SLCO4A1: variants seen among roughly 807,000 people sequenced by gnomAD.
The protein encoded by SLCO4A1 is solute carrier organic anion transporter family member 4A1, also known as colon organic anion transporter.
A neutral mutation model predicts 64.6 loss-of-function variants in SLCO4A1; 51 were observed. The ratio of observed to expected loss-of-function variants is 0.79; its 90% CI spans 0.63 to 1.00. The LOEUF (loss-of-function observed/expected upper bound fraction) is 1.00. Ranked by LOEUF, SLCO4A1 falls within the 50% of genes least tolerant of loss-of-function variation. The pLI, the probability that SLCO4A1 is intolerant of heterozygous loss-of-function variation, is 0.00. For synonymous variants in SLCO4A1, 471 were observed against 444.9 expected, an observed-to-expected ratio of 1.06 and a Z score of -0.74; for missense variants, 919 against 980.5, an observed-to-expected ratio of 0.94 and a Z score of 0.84.
In SLCO4A1 at chr20:62,656,511, C is replaced by T. The variant is rs1222062832; in HGVS notation, c.57C>T (p.Ala19=). ...TCACCTTCCCCAGCCCCAACTCAGCCATGGAAAACGGGCTTGACCACACCC... is the reference window on the plus strand; with the variant it reads ...TCACCTTCCCCAGCCCCAACTCAGCTATGGAAAACGGGCTTGACCACACCC... ...KPLTFPSPNS[A]MENGLDHTPP... is the part of the protein sequence containing the mutation. The change falls in exon 2 of 12, where the codon GCC becomes GCT. Residue 19 remains alanine (A), a synonymous_variant. Transcript: ENST00000217159. 1 of 1,558,582 alleles carries T rather than the reference C, an allele frequency of 6.4e-7. No homozygotes were observed. Among genetic ancestry groups the T allele is most frequent in the Admixed American group, 1.8e-5 (1 of 56,528 alleles).
At chr20:62,660,820 C>T (rs1286918440) in intron 4 of SLCO4A1, among the ~76,000 whole-genome samples, 2 of 152,204 alleles carry the variant, frequency 1.3e-5, no homozygotes, top group African/African-American at 4.8e-5. Flanking sequence ...CCTCCATCCC[C>T]TCCTTCCCCC....
At chr20:62,668,391 C>A in intron 9 of SLCO4A1, 86 bp from the exon 10 acceptor site, 3 of 1,412,512 alleles carry the variant, frequency 2.1e-6, no homozygotes, top group Non-Finnish European at 3.0e-6. Context: ...TGGCTGGGGA[C>A]TGGTCCAGGA....
At position 62,671,669 on chromosome 20, in the gene SLCO4A1, A is replaced by T. The variant is rs901137352; in HGVS notation, c.2026-81A>T. On this transcript the variant is annotated intron_variant, in intron 11 of 11. Transcript: ENST00000217159. Reference sequence around the variant, plus strand: ...GAGGGTGCTGCAGGCTGGGGCAGGGACAGGACTGGGACAGGCCCACCAGTA... The same window carrying T: ...GAGGGTGCTGCAGGCTGGGGCAGGGTCAGGACTGGGACAGGCCCACCAGTA... 127 of 1,351,592 alleles carry T rather than the reference A, an allele frequency of 9.4e-5. 2 individuals are homozygous for T. The South Asian group carries it at 1.6e-3, about 17-fold the overall frequency. The allele number at this position is 1,351,592 out of a possible 1,614,324, so 83.7% of individuals were successfully genotyped here.
rs1006753226 is a variant in SLCO4A1, at chr20:62,647,410, G to A, written c.-97+4857G>A. 2.6e-5 allele frequency among the ~76,000 whole-genome samples: 4 copies of A among 152,288 alleles called. No individual in the cohort carries two copies. The East Asian group carries it at 7.8e-4, about 30-fold the overall frequency. ...GGCTTTGCCAGGCAGTGCCTGGGCT[G>A]GAATCTGAAGAGAAAGGAGAACTGA... On this transcript the variant is annotated intron_variant, in intron 1 of 11. Transcript: ENST00000217159.
At position 62,685,242 on chromosome 20, in the gene SLCO4A1, G is replaced by A. The variant is rs1185457726; in HGVS notation, n.212-199G>A. On this transcript the variant is annotated intron_variant and non_coding_transcript_variant, in intron 2 of 2. Coordinates refer to the SLCO4A1 transcript ENST00000466818. This position sits in a 1 kb window ranked among gnomAD's most constrained non-coding sequence, Gnocchi z 4.6. ...GGGAGGGTGGCAGCGGGGTGTGGGG[G>A]CAGGAGGAGGGGGGTGGTGGGGAGT... Among the ~76,000 whole-genome samples, 1 of 145,806 alleles carries A rather than the reference G, an allele frequency of 6.9e-6. No individual in the cohort carries two copies. Among genetic ancestry groups the A allele is most frequent in the Non-Finnish European group, 1.5e-5 (1 of 65,740 alleles).
chr20:62,671,558 CTT>C (rs3060740), intron 11 of SLCO4A1, among the ~76,000 whole-genome samples, 190 bp from the exon 12 acceptor site: 102,004 of 151,906 alleles, frequency 0.67, 34,561 homozygotes, highest in Non-Finnish European at 0.72. Context: ...TTCATTCCCT[CTT>C]TAACAATATT....
At chr20:62,682,088 C>T (rs1366228497) in intron 2 of SLCO4A1, among the ~76,000 whole-genome samples, 2 of 152,230 alleles carry the variant, frequency 1.3e-5, no homozygotes, top group Non-Finnish European at 2.9e-5. Flanking sequence ...CGGGAGACTG[C>T]TGCGTGCCTC....
At chr20:62,667,387 G>A (rs1601669577) in intron 7 of SLCO4A1, 1 of 236,290 alleles carries the variant, frequency 4.2e-6, no homozygotes, top group Non-Finnish European at 8.3e-6. Context: ...TGGGGCTGGG[G>A]CCACGAGGCT....
chr20:62,644,649 G>A lies in SLCO4A1; in HGVS notation c.-97+2096G>A, dbSNP rs973499587. 2.6e-5 allele frequency among the ~76,000 whole-genome samples: 4 copies of A among 152,258 alleles called. No individual in the cohort carries two copies. The highest frequency in any genetic ancestry group is 9.6e-5 in the African/African-American group (4 of 41,474). ...ATGGCAAAATTTTTCTCAGCCCATT[G>A]TAGAATGAAAAGTTAACTCATCGAG... On this transcript the variant is annotated intron_variant, in intron 1 of 11. Coordinates refer to ENST00000217159, the MANE Select transcript of SLCO4A1 (RefSeq NM_016354.4). The surrounding 1 kb of genome is among the most constrained non-coding windows in gnomAD (Gnocchi z 5.4).
At chr20:62,660,589 C>T (rs1362734216) in intron 4 of SLCO4A1, 56 bp downstream of exon 4, 35 of 1,576,132 alleles carry the variant, frequency 2.2e-5, no homozygotes, top group East Asian at 1.6e-4. Flanking sequence ...CCTTAGTCTT[C>T]GCGAAGGGGG....
At chr20:62,676,369 A>G (rs1189833581), downstream of SLCO4A1, among the ~76,000 whole-genome samples, 1 of 152,242 alleles carries the variant, frequency 6.6e-6, no homozygotes, top group African/African-American at 2.4e-5. Context: ...GTCGTGAGCC[A>G]TGAATGTGCC....
chr20:62,667,942 C>T (rs1476266226), intron 8 of SLCO4A1, 32 bp downstream of exon 8: 1 of 1,614,042 alleles, frequency 6.2e-7, no homozygotes. Flanking sequence ...CGCCCCTGTC[C>T]TCCCCTGGAC....
Position 62,657,349 on chromosome 20 carries a change from C to T in SLCO4A1, c.796+99C>T, listed in dbSNP as rs369180614. 4.9e-3 allele frequency: 5,609 copies of T among 1,143,614 alleles called. 17 individuals are homozygous for T. The highest frequency in any genetic ancestry group is 6.1e-3 in the Non-Finnish European group (5,054 of 822,272). The allele number at this position is 1,143,614 out of a possible 1,614,324, so 70.8% of individuals were successfully genotyped here. A position where few individuals can be genotyped will look rare whatever the true frequency, so the allele number is the denominator to read the frequency against. The stretch of plus-strand genomic sequence containing the variant: ...CGGAGCCAGCCCCGCCCCCTGCCTT[C>T]GTGTACCCCTTGTCTGCATGGCCCT... On this transcript the variant is annotated intron_variant, in intron 2 of 11. Coordinates refer to ENST00000217159, the MANE Select transcript of SLCO4A1 (RefSeq NM_016354.4).
chr20:62,659,900 C>T (rs1242356705), intron 3 of SLCO4A1, among the ~76,000 whole-genome samples: 1 of 152,242 alleles, frequency 6.6e-6, no homozygotes, highest in African/African-American at 2.4e-5. Flanking sequence ...TCTACCACTC[C>T]ACGGCCGCCT....
intron 1 of SLCO4A1, among the ~76,000 whole-genome samples, chr20:62,654,059 T>C (rs550411560): frequency 7.2e-5 from 11 of 152,284 alleles, no homozygotes; most frequent in Non-Finnish European, 1.5e-4. Flanking sequence ...AAATAGTTTA[T>C]TCCCACCAGC....
rs1218688035 is a variant in SLCO4A1 at position 62,664,976 on chromosome 20, C to T, written c.1164C>T (p.Leu388=). 6.2e-7 allele frequency: 1 copy of T among 1,613,668 alleles called. No individual in the cohort carries two copies. Among genetic ancestry groups the T allele is most frequent in the African/African-American group, 1.3e-5 (1 of 75,062 alleles). The change falls in exon 6 of 12, where the codon CTC becomes CTT. Residue 388 remains leucine, a synonymous_variant. Coordinates refer to ENST00000217159, the MANE Select transcript of SLCO4A1 (RefSeq NM_016354.4). ...TGAAGAACCCCACGTTCATCCTGCT[C>T]TGCCTGGCCGGGGCCACCGAGGCCA... ...LLLKNPTFIL[L]CLAGATEATL...
chr20:62,670,447 T>C (rs1987054294), intron 11 of SLCO4A1, among the ~76,000 whole-genome samples: 1 of 152,226 alleles, frequency 6.6e-6, no homozygotes, highest in Non-Finnish European at 1.5e-5. Flanking sequence ...TACCTAATCA[T>C]GGCCCCAAAG....
rs1032841810 is a variant in SLCO4A1, at chr20:62,645,256, G to A, written c.-97+2703G>A. Among the ~76,000 whole-genome samples the A allele has an allele frequency of 6.6e-6, 1 of 152,144 alleles. No individual in the cohort carries two copies. The highest frequency in any genetic ancestry group is 2.4e-5 in the African/African-American group (1 of 41,428). ...CACATGCTAGGTTAACAGGTTCTGG[G>A]TGACTCTGAGCCTTGGCCCTGCCAG... On this transcript the variant is annotated intron_variant, in intron 1 of 11. Transcript: ENST00000217159. This position sits in a 1 kb window ranked among gnomAD's most constrained non-coding sequence, Gnocchi z 4.2.
At position 62,680,303 on chromosome 20, in the gene SLCO4A1, A is replaced by G. The variant is rs79799749; in HGVS notation, n.212-5138A>G. On this transcript the variant is annotated intron_variant and non_coding_transcript_variant, in intron 2 of 2. Transcript: ENST00000466818. ...ATAAACAGCCATGTCATCTGTGAAG[A>G]GGGAGAGTTTTAATTTCTTCTTCCT... Among the ~76,000 whole-genome samples, 1,298 of 152,324 alleles carry G rather than the reference A, an allele frequency of 8.5e-3. 32 individuals are homozygous for G. The highest frequency in any genetic ancestry group is 0.03 in the African/African-American group (1,250 of 41,566).
Sources: allele counts gnomAD v4.1 joint callset (sites outside exome capture counted in the v4.1 genomes callset), GRCh38; gene constraint gnomAD v4.1.1; non-coding constraint Gnocchi (gnomAD v3.1); transcripts MANE v1.5; gene names NCBI Gene and HGNC (gene_info 2026-07-23, HGNC 2026-07-21).